ATRNL1: variants seen among roughly 807,000 people sequenced by gnomAD.
ATRNL1 encodes attractin-like protein 1.
A neutral mutation model predicts 182.7 loss-of-function variants in ATRNL1; 95 were observed. The observed-to-expected ratio is 0.52, with a 90% CI of 0.44 to 0.62. The LOEUF (loss-of-function observed/expected upper bound fraction) is 0.62. Among genes scored for constraint, ATRNL1 ranks in the 20% least tolerant of loss-of-function variants. The probability of loss-of-function intolerance (pLI) is 0.00; values close to 1 mark genes in which losing one functional copy is unlikely to be tolerated. For synonymous variants in ATRNL1, 576 were observed against 568.3 expected, an observed-to-expected ratio of 1.01 and a Z score of -0.19; for missense variants, 1,471 against 1,679.5, an observed-to-expected ratio of 0.88 and a Z score of 2.17.
At chr10:115,170,237 G>A (rs1239884557) in intron 7 of ATRNL1, among the ~76,000 whole-genome samples, 2 of 152,132 alleles carry the variant, frequency 1.3e-5, no homozygotes, top group Non-Finnish European at 2.9e-5. Context: ...GTCTTTCACT[G>A]TTAGGTATAA....
chr10:115,463,855 A>T (rs1847929491), intron 22 of ATRNL1, among the ~76,000 whole-genome samples: 1 of 151,914 alleles, frequency 6.6e-6, no homozygotes, highest in African/African-American at 2.4e-5. Flanking sequence ...TAGCTTCTTG[A>T]TTAATAGTAA....
chr10:115,728,405 T>G (rs1555061370), intron 27 of ATRNL1, among the ~76,000 whole-genome samples: 2 of 152,020 alleles, frequency 1.3e-5, no homozygotes, highest in Admixed American at 6.6e-5. Context: ...TTTATTACTT[T>G]TATTTACTTT....
At chr10:115,408,779 T>G (rs903700726) in intron 20 of ATRNL1, among the ~76,000 whole-genome samples, 1 of 152,218 alleles carries the variant, frequency 6.6e-6, no homozygotes, top group African/African-American at 2.4e-5. Context: ...AGTTTAATTC[T>G]AATGCATATG....
chr10:115,338,799 G>T (rs1855609218), intron 19 of ATRNL1, among the ~76,000 whole-genome samples: 1 of 152,134 alleles, frequency 6.6e-6, no homozygotes, highest in South Asian at 2.1e-4. Flanking sequence ...AGAAATTTTG[G>T]CCCAGACCAA....
At chr10:115,722,785 A>G (rs1481825418) in intron 26 of ATRNL1, among the ~76,000 whole-genome samples, 3 of 152,158 alleles carry the variant, frequency 2.0e-5, no homozygotes, top group Non-Finnish European at 2.9e-5. Context: ...CAGTATTGCC[A>G]TAAGCTAGAT....
intron 20 of ATRNL1, among the ~76,000 whole-genome samples, chr10:115,416,296 G>A (rs1009629499): frequency 1.8e-4 from 27 of 151,934 alleles, no homozygotes; most frequent in African/African-American, 5.1e-4. Context: ...CTTTTTGGAG[G>A]TACCTGTGTT....
chr10:115,226,163 C>A (rs1849685436), intron 9 of ATRNL1, among the ~76,000 whole-genome samples: 1 of 151,838 alleles, frequency 6.6e-6, no homozygotes, highest in South Asian at 2.1e-4. Context: ...AACTACAGAG[C>A]AGTCTTTCTT....
chr10:115,099,605 T>C (rs782110411), intron 1 of ATRNL1, among the ~76,000 whole-genome samples: 2 of 152,206 alleles, frequency 1.3e-5, no homozygotes, highest in African/African-American at 4.8e-5. Context: ...ATACTTGGTA[T>C]GGTTAGTCTT....
intron 26 of ATRNL1, among the ~76,000 whole-genome samples, chr10:115,579,453 T>C (rs1854935299): frequency 2.0e-5 from 3 of 151,872 alleles, no homozygotes; most frequent in Non-Finnish European, 2.9e-5. Context: ...AAAATTATAT[T>C]GACTTTCTGT....
At chr10:115,560,207 G>A (rs1232060807) in intron 26 of ATRNL1, among the ~76,000 whole-genome samples, 2 of 152,146 alleles carry the variant, frequency 1.3e-5, no homozygotes, top group Non-Finnish European at 2.9e-5. Flanking sequence ...ATGTGTATTA[G>A]TCCATATTCA....
intron 8 of ATRNL1, among the ~76,000 whole-genome samples, chr10:115,205,184 A>C (rs560772233): frequency 2.0e-5 from 3 of 152,138 alleles, no homozygotes; most frequent in African/African-American, 7.2e-5. Context: ...ACACACCACC[A>C]TTACAGTATT....
chr10:115,450,931 T>G (rs971418542), intron 21 of ATRNL1, among the ~76,000 whole-genome samples: 12 of 152,232 alleles, frequency 7.9e-5, no homozygotes, highest in Non-Finnish European at 1.6e-4. Context: ...AACAGGCACA[T>G]AGACCAATGG....
chr10:115,182,081 TA>T (rs1847770425), intron 8 of ATRNL1, among the ~76,000 whole-genome samples: 1 of 151,678 alleles, frequency 6.6e-6, no homozygotes, highest in Admixed American at 6.6e-5. Context: ...AATACATTTT[TA>T]TTTTTTATTA....
At chr10:115,240,307 AGTG>A (rs1427236002) in intron 9 of ATRNL1, among the ~76,000 whole-genome samples, 8 of 148,818 alleles carry the variant, frequency 5.4e-5, no homozygotes, top group Admixed American at 4.0e-4. Context: ...GCTGGAGTGC[AGTG>A]GTGCCATCTT....
chr10:115,175,660 A>C (rs1326204313), intron 8 of ATRNL1, among the ~76,000 whole-genome samples: 1 of 152,068 alleles, frequency 6.6e-6, no homozygotes, highest in Non-Finnish European at 1.5e-5. Flanking sequence ...CATTCTGTGA[A>C]TTATTGAAGT....
At chr10:115,779,771 T>C (rs1341227586) in intron 27 of ATRNL1, among the ~76,000 whole-genome samples, 1 of 152,234 alleles carries the variant, frequency 6.6e-6, no homozygotes, top group East Asian at 1.9e-4. Flanking sequence ...TAGAAGGTAA[T>C]GTTCTGCCTT....
chr10:115,901,134 TC>T (rs1223034939), intron 28 of ATRNL1, among the ~76,000 whole-genome samples: 1 of 152,230 alleles, frequency 6.6e-6, no homozygotes, highest in African/African-American at 2.4e-5. Context: ...GTCATCATTC[TC>T]TTAAGAGTTA....
chr10:115,548,258 G>A (rs552193728), intron 25 of ATRNL1, among the ~76,000 whole-genome samples: 4 of 152,224 alleles, frequency 2.6e-5, no homozygotes, highest in South Asian at 2.1e-4. Flanking sequence ...TGGAATGTGC[G>A]CAGCACTCAA....
chr10:115,491,572 T>A (rs1184613206), intron 24 of ATRNL1, among the ~76,000 whole-genome samples: 2 of 152,094 alleles, frequency 1.3e-5, no homozygotes, highest in East Asian at 3.9e-4. Context: ...TACTCAAGCC[T>A]CAGCAGTGGT....
Sources: allele counts gnomAD v4.1 joint callset (sites outside exome capture counted in the v4.1 genomes callset), GRCh38; gene constraint gnomAD v4.1.1; transcripts MANE v1.5; gene names NCBI Gene and HGNC (gene_info 2026-07-23, HGNC 2026-07-21).